Variants in WNT7B observed in about 807,000 individuals in gnomAD.
WNT7B encodes the protein protein Wnt-7b.
A neutral mutation model predicts 38.2 loss-of-function variants in WNT7B; 19 were observed. The ratio of observed to expected loss-of-function variants is 0.50; its 90% CI spans 0.35 to 0.73. The LOEUF (loss-of-function observed/expected upper bound fraction) is 0.73. Among genes scored for constraint, WNT7B ranks in the 30% least tolerant of loss-of-function variants. The pLI, the probability that WNT7B is intolerant of heterozygous loss-of-function variation, is 0.01. For missense variants in WNT7B, 423 were observed against 507.9 expected, an observed-to-expected ratio of 0.83 and a Z score of 1.61; for synonymous variants, 243 against 209.3, an observed-to-expected ratio of 1.16 and a Z score of -1.39.
At position 45,934,313 on chromosome 22, in the gene WNT7B, G is replaced by A. The variant is rs188878318; in HGVS notation, c.299-2944C>T. 3.8e-3 allele frequency among the ~76,000 whole-genome samples: 578 copies of A among 152,306 alleles called. 3 individuals carry two copies. The highest frequency in any genetic ancestry group is 6.5e-3 in the Non-Finnish European group (441 of 68,014). ...GGGGCAGGAGGAGAGGGGGGATGTG[G>A]GCTATGCAGCCCCCAGGGAAGATGC... On this transcript the variant is annotated intron_variant, in intron 2 of 3. Coordinates refer to ENST00000339464, the MANE Select transcript of WNT7B (RefSeq NM_058238.3).
intron 2 of WNT7B, among the ~76,000 whole-genome samples, chr22:45,932,160 C>A (rs1229071899): frequency 6.6e-6 from 1 of 152,212 alleles, no homozygotes; most frequent in Non-Finnish European, 1.5e-5. Context: ...GGCACCTTCA[C>A]TGCTCCCCTC....
At chr22:45,931,816 G>A (rs1000452035) in intron 2 of WNT7B, among the ~76,000 whole-genome samples, 2 of 152,076 alleles carry the variant, frequency 1.3e-5, no homozygotes, top group African/African-American at 2.4e-5. Context: ...CCTCATGAAC[G>A]GGCATTTGCA....
At chr22:45,969,853 C>T (rs1207008204) in intron 1 of WNT7B, among the ~76,000 whole-genome samples, 2 of 152,210 alleles carry the variant, frequency 1.3e-5, no homozygotes, top group African/African-American at 2.4e-5. Flanking sequence ...CCCTCCTAGC[C>T]CAGGCATCCT....
rs1054803676 is a variant in WNT7B at position 45,921,106 on chromosome 22, CT to C, written c.*1749del. On this transcript the variant is annotated 3_prime_UTR_variant, in exon 4 of 4. Transcript: ENST00000339464. ...CTGCTCAAGAACACATTCCTACGGG[CT>C]TCCAAGAGAACACACCCTAAATGGG... The C allele has an allele frequency of 6.6e-5, 10 of 152,330 alleles. No individual in the cohort carries two copies. The highest frequency in any genetic ancestry group is 2.4e-4 in the African/African-American group (10 of 41,516). The allele number at this position is 152,330 out of a possible 1,614,324, so 9.4% of individuals were successfully genotyped here.
Position 45,977,054 on chromosome 22 carries a change from G to A in WNT7B, c.-300C>T, listed in dbSNP as rs533091367. On this transcript the variant is annotated 5_prime_UTR_variant, in exon 1 of 4. Transcript: ENST00000339464. ...GCGGGCCGGGGGCCCGGGCGCGGCT[G>A]GCGGGCGGGTGCAGCCTGCACTAGG... 7,772 of 980,926 alleles carry A rather than the reference G, an allele frequency of 7.9e-3. 57 individuals carry two copies. The highest frequency in any genetic ancestry group is 0.043 in the African/African-American group (2,481 of 57,140). 60.8% of individuals were successfully genotyped at this position (980,926 alleles called of 1,614,324 possible).
chr22:45,930,825 C>T (rs1290132385), intron 3 of WNT7B, among the ~76,000 whole-genome samples: 4 of 152,232 alleles, frequency 2.6e-5, no homozygotes, highest in Admixed American at 2.6e-4. Context: ...AGCTCACACC[C>T]TGCATGGAAA....
intron 2 of WNT7B, among the ~76,000 whole-genome samples, chr22:45,934,819 GTC>G (rs1174316472): frequency 2.0e-5 from 3 of 152,212 alleles, no homozygotes; most frequent in Non-Finnish European, 4.4e-5. Context: ...AAACCCTCTG[GTC>G]TCTCGTCATG....
chr22:45,925,850 G>T (rs1931066223), intron 3 of WNT7B: 1 of 985,334 alleles, frequency 1.0e-6, no homozygotes, highest in Non-Finnish European at 1.2e-6. Context: ...CCGGAGACCT[G>T]GCAGGCCTGT....
intron 2 of WNT7B, 132 bp from the exon 3 acceptor site, chr22:45,931,501 T>C (rs1601719466): frequency 9.0e-7 from 1 of 1,111,968 alleles, no homozygotes; most frequent in African/African-American, 1.6e-5. Context: ...GCTCGCCCCC[T>C]CTGTGCCTCT....
intron 2 of WNT7B, among the ~76,000 whole-genome samples, chr22:45,947,169 T>A (rs944391857): frequency 6.6e-6 from 1 of 152,180 alleles, no homozygotes; most frequent in Non-Finnish European, 1.5e-5. Flanking sequence ...AGGAGTCAGA[T>A]ACGCCCGAAG....
chr22:45,936,846 G>A (rs1397792632), intron 2 of WNT7B, among the ~76,000 whole-genome samples: 1 of 152,224 alleles, frequency 6.6e-6, no homozygotes, highest in Non-Finnish European at 1.5e-5. Flanking sequence ...CAAAGCCAGG[G>A]CTTGGGCAGG....
At position 45,924,710 on chromosome 22, in the gene WNT7B, G is replaced by C. The variant is rs537941366; in HGVS notation, c.571-1375C>G. On this transcript the variant is annotated intron_variant, in intron 3 of 3. Coordinates refer to ENST00000339464, the MANE Select transcript of WNT7B (RefSeq NM_058238.3). ...GGGGGTCCCAAAGGCTCATCAGGTG[G>C]GTGCCGGGTGGGCCCTAGACTGGCA... 7.9e-5 allele frequency among the ~76,000 whole-genome samples: 12 copies of C among 151,436 alleles called. 2 individuals are homozygous for C. In the South Asian group the frequency reaches 1.7e-3, roughly 21 times the overall value.
chr22:45,976,867 T>G lies in WNT7B; in HGVS notation c.-113A>C, dbSNP rs1047127826. ...CGGGCAGACTGCGCTCAGCCCGCGC[T>G]GCGGCTCGGGCGGCCGGCGACGCGC... is the stretch of plus-strand genomic sequence containing the variant. On this transcript the variant is annotated 5_prime_UTR_variant, in exon 1 of 4. Transcript: ENST00000339464. The surrounding 1 kb of genome is among the most constrained non-coding windows in gnomAD (Gnocchi z 8.5). 1 of 1,046,004 alleles carries G rather than the reference T, an allele frequency of 9.6e-7. No individual in the cohort carries two copies. The highest frequency in any genetic ancestry group is 1.7e-5 in the African/African-American group (1 of 57,772). The allele number at this position is 1,046,004 out of a possible 1,614,324, so 64.8% of individuals were successfully genotyped here.
chr22:45,948,212 G>A (rs1442902402), intron 2 of WNT7B, among the ~76,000 whole-genome samples: 2 of 152,224 alleles, frequency 1.3e-5, no homozygotes, highest in Admixed American at 1.3e-4. Context: ...CAGCGCTGAG[G>A]GGCCAGGCAG....
chr22:45,973,084 G>A (rs777638575), intron 1 of WNT7B, among the ~76,000 whole-genome samples: 3 of 152,248 alleles, frequency 2.0e-5, no homozygotes, highest in African/African-American at 4.8e-5. Flanking sequence ...TGGAGAGGCC[G>A]CCAGTGGGAA....
At position 45,952,743 on chromosome 22, in the gene WNT7B, C is replaced by T. The variant is rs557904415; in HGVS notation, c.72-2597G>A. ...CCCTGGGGGTGGCAATGGATCACTG[C>T]CATGGCCAAAGCCCTGGCTTCCCGC... On this transcript the variant is annotated intron_variant, in intron 1 of 3. Coordinates refer to ENST00000339464, the MANE Select transcript of WNT7B (RefSeq NM_058238.3). 4.6e-5 allele frequency among the ~76,000 whole-genome samples: 7 copies of T among 152,336 alleles called. No individual in the cohort carries two copies. In the South Asian group the frequency reaches 1.5e-3, roughly 32 times the overall value.
chr22:45,929,729 C>CATCCACCCACCG (rs1358606032), intron 3 of WNT7B, among the ~76,000 whole-genome samples: 1 of 148,876 alleles, frequency 6.7e-6, no homozygotes, highest in Admixed American at 6.6e-5. Flanking sequence ...TCCACTCACC[C>CATCCACCCACCG]ATCCACCCAC....
intron 1 of WNT7B, among the ~76,000 whole-genome samples, chr22:45,956,423 C>A (rs1174307716): frequency 6.6e-6 from 1 of 152,196 alleles, no homozygotes; most frequent in Non-Finnish European, 1.5e-5. Flanking sequence ...TCCAGCCTCC[C>A]CCGGGAGATC....
rs557646915 is a variant in WNT7B at position 45,933,594 on chromosome 22, G to GA, written c.299-2226dup. Among the ~76,000 whole-genome samples the GA allele has an allele frequency of 9.9e-4, 151 of 152,208 alleles. 1 individual carries two copies. Among genetic ancestry groups the GA allele is most frequent in the African/African-American group, 3.4e-3 (142 of 41,496 alleles). ...GGAGGGGGCAATAAACCAAGAGGGG[G>GA]ATCCCAGTAAAGGGTGGAGAAGGGC... On this transcript the variant is annotated intron_variant, in intron 2 of 3. Coordinates refer to ENST00000339464, the MANE Select transcript of WNT7B (RefSeq NM_058238.3).
Sources: gnomAD v4.1 joint callset for allele counts (sites outside exome capture counted in the v4.1 genomes callset) on GRCh38, gnomAD v4.1.1 for gene constraint, Gnocchi (gnomAD v3.1) non-coding constraint, MANE v1.5 for transcripts, NCBI Gene and HGNC (gene_info 2026-07-23, HGNC 2026-07-21) for gene names.